Variants in RGS7 observed in about 807,000 individuals in gnomAD.
The protein encoded by RGS7 is regulator of G protein signaling 7, also known as regulator of G-protein signaling 7.
A neutral mutation model predicts 81.1 loss-of-function variants in RGS7; 27 were observed. The ratio of observed to expected loss-of-function variants is 0.33; its 90% CI spans 0.25 to 0.46. RGS7 has a LOEUF of 0.46. Ranked by LOEUF, RGS7 falls within the 20% of genes least tolerant of loss-of-function variation. The probability of loss-of-function intolerance (pLI) is 1.00; values close to 1 mark genes in which losing one functional copy is unlikely to be tolerated. For synonymous variants in RGS7, 208 were observed against 207.7 expected (o/e 1.00, Z -0.01); for missense variants, 396 against 607.4 (o/e 0.65, Z 3.66).
At chr1:241,264,427 G>A (rs1208046786) in intron 2 of RGS7, among the ~76,000 whole-genome samples, 1 of 152,146 alleles carries the variant, frequency 6.6e-6, no homozygotes, top group Non-Finnish European at 1.5e-5. Flanking sequence ...AACCTGGGAG[G>A]CGGAGGTTGC....
intron 3 of RGS7, among the ~76,000 whole-genome samples, chr1:241,097,572 GA>G (rs1210665919): frequency 6.6e-6 from 1 of 152,032 alleles, no homozygotes; most frequent in East Asian, 1.9e-4. Flanking sequence ...CCCTGTACAG[GA>G]ATCCCATGAA....
intron 6 of RGS7, among the ~76,000 whole-genome samples, 156 bp downstream of exon 6, chr1:240,930,561 C>CA (rs1229463976): frequency 6.6e-6 from 1 of 151,928 alleles, no homozygotes; most frequent in African/African-American, 2.4e-5. Context: ...GGTGACTTTC[C>CA]AAACAAAGCC....
chr1:241,114,963 A>G (rs755283589), intron 2 of RGS7, among the ~76,000 whole-genome samples: 15 of 152,156 alleles, frequency 9.9e-5, no homozygotes, highest in Non-Finnish European at 1.8e-4. Flanking sequence ...TCACACAAGG[A>G]CTTTACTTGA....
intron 17 of RGS7, among the ~76,000 whole-genome samples, 185 bp from the exon 18 acceptor site, chr1:240,800,906 G>C (rs75322137): frequency 6.6e-6 from 1 of 152,212 alleles, no homozygotes; most frequent in African/African-American, 2.4e-5. Flanking sequence ...TTATGCAACA[G>C]TTTTCAACAC....
chr1:241,166,444 C>T (rs773223573), intron 2 of RGS7, among the ~76,000 whole-genome samples: 74 of 152,130 alleles, frequency 4.9e-4, no homozygotes, highest in Non-Finnish European at 1.0e-3. Flanking sequence ...ATGACCCTGA[C>T]GGACAAGAGC....
intron 5 of RGS7, among the ~76,000 whole-genome samples, chr1:240,932,886 T>C (rs1317172913): frequency 3.5e-5 from 4 of 115,104 alleles, no homozygotes; most frequent in African/African-American, 7.1e-5. Context: ...CTTTTTTTTT[T>C]TTTTTTTTTT....
At chr1:240,973,379 C>T (rs1047959805) in intron 4 of RGS7, among the ~76,000 whole-genome samples, 4 of 151,402 alleles carry the variant, frequency 2.6e-5, no homozygotes, top group African/African-American at 7.3e-5. Flanking sequence ...ATTAGCGGGG[C>T]GTGGTGGCTA....
intron 2 of RGS7, among the ~76,000 whole-genome samples, chr1:241,206,687 T>C (rs1424193553): frequency 6.6e-6 from 1 of 152,106 alleles, no homozygotes; most frequent in Non-Finnish European, 1.5e-5. Context: ...CTTCCTCAGT[T>C]CCTCAAACAC....
chr1:241,070,883 G>T (rs2062401517), intron 3 of RGS7, among the ~76,000 whole-genome samples: 1 of 152,152 alleles, frequency 6.6e-6, no homozygotes, highest in South Asian at 2.1e-4. Context: ...TCAGTGATGG[G>T]CATAAAAATA....
intron 4 of RGS7, among the ~76,000 whole-genome samples, chr1:240,954,498 G>A (rs1558518331): frequency 1.3e-5 from 2 of 151,750 alleles, no homozygotes; most frequent in Admixed American, 6.6e-5. Context: ...AAACTTATAC[G>A]ATCATATCAA....
At chr1:241,113,209 GACA>G (rs2065653914) in intron 2 of RGS7, among the ~76,000 whole-genome samples, 1 of 152,046 alleles carries the variant, frequency 6.6e-6, no homozygotes, top group Admixed American at 6.6e-5. Context: ...CCTTCTTCCT[GACA>G]ACGATTCTCA....
chr1:241,045,231 C>G (rs1043261631), intron 3 of RGS7, among the ~76,000 whole-genome samples: 2 of 152,130 alleles, frequency 1.3e-5, no homozygotes, highest in African/African-American at 4.8e-5. Context: ...GTGCTTTCCT[C>G]CAAAATGTGT....
At chr1:240,818,025 A>G in intron 10 of RGS7, among the ~76,000 whole-genome samples, 1 of 152,056 alleles carries the variant, frequency 6.6e-6, no homozygotes, top group Non-Finnish European at 1.5e-5. Flanking sequence ...TTGCCCTACC[A>G]CCAGAACCTT....
chr1:240,900,961 C>A (rs1469871965), intron 6 of RGS7, among the ~76,000 whole-genome samples: 2 of 149,200 alleles, frequency 1.3e-5, no homozygotes, highest in Non-Finnish European at 1.5e-5. Flanking sequence ...GCTTCCTGGC[C>A]GATTTGTTTA....
chr1:241,318,696 G>A (rs187640376), intron 2 of RGS7, among the ~76,000 whole-genome samples: 176 of 152,056 alleles, frequency 1.2e-3, no homozygotes, highest in South Asian at 2.5e-3. Context: ...GGCTGGTCTC[G>A]AACTCCCGAC....
At chr1:241,265,021 C>A (rs147483227) in intron 2 of RGS7, among the ~76,000 whole-genome samples, 1 of 152,170 alleles carries the variant, frequency 6.6e-6, no homozygotes, top group Non-Finnish European at 1.5e-5. Flanking sequence ...CTCTGAGTGG[C>A]GGCCTTCAGT....
intron 3 of RGS7, among the ~76,000 whole-genome samples, chr1:241,071,133 C>T (rs1377440663): frequency 6.6e-6 from 1 of 152,178 alleles, no homozygotes; most frequent in East Asian, 1.9e-4. Flanking sequence ...GAGGAACATA[C>T]TCTTCATTTA....
chr1:240,782,364 G>A (rs966667781), intron 18 of RGS7, among the ~76,000 whole-genome samples: 3 of 152,164 alleles, frequency 2.0e-5, no homozygotes, highest in African/African-American at 7.2e-5. Flanking sequence ...ACCAGCTCCT[G>A]CCAATGATCT....
At chr1:241,012,474 G>C (rs993685200) in intron 3 of RGS7, among the ~76,000 whole-genome samples, 1 of 152,158 alleles carries the variant, frequency 6.6e-6, no homozygotes, top group Non-Finnish European at 1.5e-5. Flanking sequence ...GAAGTGTTCA[G>C]TTATACATAA....
Sources: allele counts gnomAD v4.1 joint callset (sites outside exome capture counted in the v4.1 genomes callset), GRCh38; gene constraint gnomAD v4.1.1; transcripts MANE v1.5; gene names NCBI Gene and HGNC (gene_info 2026-07-23, HGNC 2026-07-21).